Variants in SLC4A4 observed in about 807,000 individuals in gnomAD.
SLC4A4 encodes solute carrier family 4 member 4, also known as electrogenic sodium bicarbonate cotransporter 1.
Under a neutral mutation model 111.5 loss-of-function variants are expected in SLC4A4, and 27 were observed. The ratio of observed to expected loss-of-function variants is 0.24; its 90% CI spans 0.18 to 0.33. The LOEUF (loss-of-function observed/expected upper bound fraction) is 0.33. Ranked by LOEUF, SLC4A4 falls within the 10% of genes least tolerant of loss-of-function variation. SLC4A4 has a pLI of 1.00. For missense variants in SLC4A4, 909 were observed against 1,315.5 expected (o/e 0.69, Z 4.78); for synonymous variants, 443 against 463.4 (o/e 0.96, Z 0.57).
chr4:71,491,144 A>T (rs1729866142), intron 15 of SLC4A4, among the ~76,000 whole-genome samples: 1 of 151,790 alleles, frequency 6.6e-6, no homozygotes, highest in African/African-American at 2.4e-5. Flanking sequence ...TTGATGTCTT[A>T]TAATGGTATA....
At chr4:71,264,499 T>G (rs1018207204) in intron 3 of SLC4A4, among the ~76,000 whole-genome samples, 1 of 152,092 alleles carries the variant, frequency 6.6e-6, no homozygotes, top group Non-Finnish European at 1.5e-5. Context: ...ATGCAAATGT[T>G]TAATAAACAT....
intron 2 of SLC4A4, among the ~76,000 whole-genome samples, chr4:71,243,184 G>A (rs1177622512): frequency 3.3e-5 from 5 of 152,140 alleles, no homozygotes; most frequent in East Asian, 1.9e-4. Flanking sequence ...GTTTTTCTGC[G>A]AGTGAGAAGG....
chr4:71,065,374 A>T (rs1741490120), intron 1 of SLC4A4, among the ~76,000 whole-genome samples: 1 of 152,156 alleles, frequency 6.6e-6, no homozygotes, highest in African/African-American at 2.4e-5. Flanking sequence ...ACCAGACTGA[A>T]ATAAGAATAT....
chr4:71,083,607 T>C (rs1742055789), intron 1 of SLC4A4, among the ~76,000 whole-genome samples: 1 of 151,922 alleles, frequency 6.6e-6, no homozygotes. Context: ...ACTCCAAAGT[T>C]ATGAGCCCTG....
intron 18 of SLC4A4, among the ~76,000 whole-genome samples, chr4:71,542,029 G>A (rs1368759040): frequency 6.6e-6 from 1 of 151,918 alleles, no homozygotes; most frequent in African/African-American, 2.4e-5. Flanking sequence ...GCATATATAG[G>A]TGGTTTTGCA....
At chr4:71,083,270 CTTG>C (rs1742043452) in intron 1 of SLC4A4, among the ~76,000 whole-genome samples, 2 of 150,562 alleles carry the variant, frequency 1.3e-5, no homozygotes. Flanking sequence ...CATTTTCCAA[CTTG>C]TTTTTTTTTT....
At chr4:71,215,330 GA>G (rs1718365045) in intron 1 of SLC4A4, among the ~76,000 whole-genome samples, 2 of 152,194 alleles carry the variant, frequency 1.3e-5, no homozygotes, top group Non-Finnish European at 2.9e-5. Flanking sequence ...CCAAGGTGCA[GA>G]TGGTTATGCT....
chr4:71,263,784 T>C (rs1405823991), intron 3 of SLC4A4, among the ~76,000 whole-genome samples: 2 of 152,208 alleles, frequency 1.3e-5, no homozygotes, highest in African/African-American at 4.8e-5. Context: ...AAAACAGAGA[T>C]GAAAGTGCTA....
chr4:71,412,333 A>C (rs1721429926), intron 7 of SLC4A4, among the ~76,000 whole-genome samples: 1 of 152,208 alleles, frequency 6.6e-6, no homozygotes, highest in East Asian at 1.9e-4. Flanking sequence ...GCACTAACCT[A>C]AGAAGAAAAA....
At chr4:71,190,137 T>A (rs1745660338) in intron 1 of SLC4A4, among the ~76,000 whole-genome samples, 1 of 152,178 alleles carries the variant, frequency 6.6e-6, no homozygotes, top group Admixed American at 6.5e-5. Context: ...TACTTTTACA[T>A]AATGTAGGAA....
intron 2 of SLC4A4, among the ~76,000 whole-genome samples, chr4:71,248,180 G>C (rs1560811479): frequency 6.6e-6 from 1 of 152,106 alleles, no homozygotes; most frequent in African/African-American, 2.4e-5. Flanking sequence ...GGAGAACAAA[G>C]AGTGTTCACA....
chr4:71,330,719 C>A (rs71599997), intron 3 of SLC4A4, among the ~76,000 whole-genome samples: 3,246 of 152,062 alleles, frequency 0.021, 65 homozygotes, highest in Non-Finnish European at 0.033. Context: ...GCAACAAAAG[C>A]CAAAATTGAC....
intron 2 of SLC4A4, among the ~76,000 whole-genome samples, chr4:71,122,123 A>G (rs1468876191): frequency 9.2e-5 from 14 of 152,046 alleles, no homozygotes; most frequent in Non-Finnish European, 1.5e-5. Flanking sequence ...TAAGAACTGT[A>G]ACACTCACCA....
chr4:71,179,703 G>A (rs1447707770), intron 2 of SLC4A4, among the ~76,000 whole-genome samples: 4 of 152,104 alleles, frequency 2.6e-5, no homozygotes, highest in African/African-American at 7.2e-5. Flanking sequence ...AATAAAAGAG[G>A]ATACAAACAA....
chr4:71,540,973 T>G (rs1204969850), intron 18 of SLC4A4, among the ~76,000 whole-genome samples: 2 of 152,132 alleles, frequency 1.3e-5, no homozygotes, highest in Non-Finnish European at 2.9e-5. Context: ...ACTTCAGCAT[T>G]ATTGACAGTT....
chr4:71,212,042 G>A (rs1718168155), intron 1 of SLC4A4, among the ~76,000 whole-genome samples: 1 of 152,216 alleles, frequency 6.6e-6, no homozygotes, highest in African/African-American at 2.4e-5. Context: ...CTCACTGGTT[G>A]TGTGTGAAGA....
chr4:71,542,128 A>C (rs1355092691), intron 18 of SLC4A4, among the ~76,000 whole-genome samples: 2 of 152,108 alleles, frequency 1.3e-5, no homozygotes, highest in African/African-American at 4.8e-5. Flanking sequence ...AGCTTTTACC[A>C]TTCTGTTCAA....
intron 1 of SLC4A4, among the ~76,000 whole-genome samples, chr4:71,068,111 C>T (rs915447316): frequency 6.8e-5 from 9 of 131,968 alleles, no homozygotes; most frequent in Non-Finnish European, 1.4e-4. Context: ...GTCGCCCAGG[C>T]TGGGGTGCAG....
intron 14 of SLC4A4, among the ~76,000 whole-genome samples, chr4:71,476,592 A>G (rs917887189): frequency 6.6e-6 from 1 of 151,664 alleles, no homozygotes; most frequent in Non-Finnish European, 1.5e-5. Flanking sequence ...TGGCTTTTTT[A>G]TATGTGTGTG....
Sources: allele counts gnomAD v4.1 joint callset (sites outside exome capture counted in the v4.1 genomes callset), GRCh38; gene constraint gnomAD v4.1.1; transcripts MANE v1.5; gene names NCBI Gene and HGNC (gene_info 2026-07-23, HGNC 2026-07-21).